Variants in DPP10 observed in about 807,000 individuals in gnomAD.
DPP10 encodes the protein inactive dipeptidyl peptidase 10.
Under a neutral mutation model 120.9 loss-of-function variants are expected in DPP10, and 33 were observed. The observed-to-expected ratio is 0.27, with a 90% confidence interval of 0.21 to 0.37. The LOEUF is 0.37. Ranked by LOEUF, DPP10 falls within the 10% of genes least tolerant of loss-of-function variation. The pLI is 1.00. For synonymous variants in DPP10, 337 were observed against 326.1 expected (o/e 1.03, Z -0.36); for missense variants, 816 against 942.8 (o/e 0.87, Z 1.76).
At chr2:115,740,007 C>G in intron 9 of DPP10, 114 bp downstream of exon 9, 6 of 1,213,418 alleles carry the variant, frequency 4.9e-6, no homozygotes, top group Non-Finnish European at 5.9e-6. Flanking sequence ...AGAAGTTTTC[C>G]TTACTTGTCA....
At chr2:115,195,797 G>T (rs1037979208) in intron 1 of DPP10, among the ~76,000 whole-genome samples, 7 of 152,000 alleles carry the variant, frequency 4.6e-5, no homozygotes, top group Non-Finnish European at 1.0e-4. Flanking sequence ...TGTATTTCGG[G>T]ACACTCTTCC....
At chr2:115,665,692 C>T (rs567916974) in intron 5 of DPP10, among the ~76,000 whole-genome samples, 7 of 150,540 alleles carry the variant, frequency 4.6e-5, no homozygotes, top group South Asian at 2.1e-4. Context: ...GTTACACATA[C>T]GTTAGAATAT....
intron 1 of DPP10, among the ~76,000 whole-genome samples, chr2:114,633,248 C>CTTTTTTT (rs35372708): frequency 8.2e-5 from 6 of 72,806 alleles, no homozygotes; most frequent in Non-Finnish European, 1.4e-4. Flanking sequence ...GTTTTTCTTT[C>CTTTTTTT]TTTTTTTTTT....
intron 1 of DPP10, among the ~76,000 whole-genome samples, chr2:114,691,341 A>T (rs1464703442): frequency 6.6e-6 from 1 of 151,924 alleles, no homozygotes; most frequent in Non-Finnish European, 1.5e-5. Context: ...TTTTGTCTAT[A>T]GTTCTGTTGA....
chr2:114,981,418 A>G (rs1700083505), intron 1 of DPP10, among the ~76,000 whole-genome samples: 1 of 152,258 alleles, frequency 6.6e-6, no homozygotes, highest in East Asian at 1.9e-4. Flanking sequence ...TCTAGTTACA[A>G]TACTTTTTTA....
intron 1 of DPP10, among the ~76,000 whole-genome samples, chr2:114,612,423 G>A (rs1693353918): frequency 1.3e-5 from 2 of 152,184 alleles, no homozygotes; most frequent in Admixed American, 6.5e-5. Flanking sequence ...CTCAGTAAAA[G>A]AGATGCTCTA....
chr2:115,688,186 A>T (rs1054155491), intron 5 of DPP10, among the ~76,000 whole-genome samples: 7 of 152,160 alleles, frequency 4.6e-5, no homozygotes, highest in Admixed American at 2.6e-4. Context: ...ACCAGGAAAA[A>T]TTATTTTTGC....
At chr2:114,546,737 C>A (rs1324056997) in intron 1 of DPP10, among the ~76,000 whole-genome samples, 1 of 152,212 alleles carries the variant, frequency 6.6e-6, no homozygotes, top group African/African-American at 2.4e-5. Flanking sequence ...TTAATTGAGG[C>A]TCTGTATGAG....
chr2:115,161,979 C>T, intron 1 of DPP10: 1 of 1,411,974 alleles, frequency 7.1e-7, no homozygotes, highest in Non-Finnish European at 9.2e-7. Flanking sequence ...AAGCAGGAGC[C>T]GCAGCCCACC....
At chr2:115,792,912 CATG>C (rs750124605) in intron 19 of DPP10, among the ~76,000 whole-genome samples, 23 of 152,186 alleles carry the variant, frequency 1.5e-4, no homozygotes, top group Non-Finnish European at 2.5e-4. Context: ...GCCCTTGAAG[CATG>C]ATATTTATGC....
intron 1 of DPP10, among the ~76,000 whole-genome samples, chr2:115,062,004 T>C (rs892435554): frequency 3.3e-5 from 5 of 152,040 alleles, no homozygotes; most frequent in Admixed American, 6.5e-5. Flanking sequence ...GTTTCCATAA[T>C]GTGGACTCAA....
At chr2:114,688,705 G>T (rs184410314) in intron 1 of DPP10, among the ~76,000 whole-genome samples, 1 of 151,100 alleles carries the variant, frequency 6.6e-6, no homozygotes, top group African/African-American at 2.4e-5. Context: ...TGACAAGTGC[G>T]CATGTGAGGA....
intron 3 of DPP10, among the ~76,000 whole-genome samples, chr2:115,469,346 A>C (rs954556003): frequency 1.3e-5 from 2 of 152,214 alleles, no homozygotes; most frequent in Non-Finnish European, 2.9e-5. Flanking sequence ...TTGCTGATTA[A>C]ATTTTAGATG....
chr2:115,419,057 C>G (rs1190089197), intron 3 of DPP10, among the ~76,000 whole-genome samples: 1 of 152,114 alleles, frequency 6.6e-6, no homozygotes, highest in African/African-American at 2.4e-5. Context: ...TTAATGACAT[C>G]TAAAAAGTAC....
At chr2:115,387,398 A>G (rs1338105019) in intron 3 of DPP10, among the ~76,000 whole-genome samples, 1 of 152,224 alleles carries the variant, frequency 6.6e-6, no homozygotes, top group Non-Finnish European at 1.5e-5. Context: ...GAGATTTACT[A>G]TAAATTTCTC....
At chr2:114,933,177 A>G (rs931064515) in intron 1 of DPP10, among the ~76,000 whole-genome samples, 1 of 152,206 alleles carries the variant, frequency 6.6e-6, no homozygotes, top group African/African-American at 2.4e-5. Flanking sequence ...GGGAGCTTAT[A>G]TTCAAAGAAG....
At chr2:115,508,447 A>T (rs2077062220) in intron 4 of DPP10, among the ~76,000 whole-genome samples, 2 of 152,242 alleles carry the variant, frequency 1.3e-5, no homozygotes, top group African/African-American at 2.4e-5. Context: ...AAATAATTAG[A>T]TATATAAACA....
chr2:115,838,385 C>A (rs1689750019), intron 24 of DPP10, among the ~76,000 whole-genome samples: 1 of 152,050 alleles, frequency 6.6e-6, no homozygotes, highest in Non-Finnish European at 1.5e-5. Context: ...GTACTTCTTG[C>A]AAACACGGAA....
At chr2:115,509,719 G>A (rs1335041174) in intron 4 of DPP10, among the ~76,000 whole-genome samples, 1 of 152,028 alleles carries the variant, frequency 6.6e-6, no homozygotes, top group African/African-American at 2.4e-5. Context: ...AACAAAGGTA[G>A]TCTCCACTTC....
Sources: allele counts gnomAD v4.1 joint callset (sites outside exome capture counted in the v4.1 genomes callset), GRCh38; gene constraint gnomAD v4.1.1; transcripts MANE v1.5; gene names NCBI Gene and HGNC (gene_info 2026-07-23, HGNC 2026-07-21).